The following ABCB11 variants were observed in gnomAD, a reference collection of about 807,000 sequenced individuals.
The protein encoded by ABCB11 is bile salt export pump.
In ABCB11, 95 loss-of-function variants were observed where a neutral mutation model predicts 148.0. That is an observed-to-expected ratio of 0.64 (90% confidence interval 0.54 to 0.76). The LOEUF is 0.76. Ranked by LOEUF, ABCB11 falls within the 30% of genes least tolerant of loss-of-function variation. The pLI is 0.00. For missense variants in ABCB11, 1,523 were observed against 1,617.8 expected, an observed-to-expected ratio of 0.94 and a Z score of 1.01; for synonymous variants, 591 against 555.4, an observed-to-expected ratio of 1.06 and a Z score of -0.90.
chr2:168,965,938 C>T (rs1477371865), intron 17 of ABCB11, among the ~76,000 whole-genome samples: 1 of 151,756 alleles, frequency 6.6e-6, no homozygotes, highest in Non-Finnish European at 1.5e-5. Flanking sequence ...GGTTCAACAC[C>T]ATGCAGTTTC....
chr2:168,957,469 T>A (rs1692850539), intron 19 of ABCB11, among the ~76,000 whole-genome samples: 1 of 151,710 alleles, frequency 6.6e-6, no homozygotes, highest in Non-Finnish European at 1.5e-5. Context: ...CAATCATGCC[T>A]TATTTTACTT....
chr2:169,002,913 A>G (rs764898296), intron 5 of ABCB11, among the ~76,000 whole-genome samples: 7 of 151,880 alleles, frequency 4.6e-5, no homozygotes, highest in Non-Finnish European at 7.4e-5. Context: ...GTAGATTTTT[A>G]TTTTTTTTGT....
Position 168,995,611 on chromosome 2 carries a change from C to T in ABCB11, c.478-129G>A, listed in dbSNP as rs17208900. The T allele has an allele frequency of 0.021, 20,281 of 979,072 alleles. 324 individuals are homozygous for T. The highest frequency in any genetic ancestry group is 0.062 in the African/African-American group (3,731 of 59,732). The allele number at this position is 979,072 out of a possible 1,614,324, so 60.6% of individuals were successfully genotyped here. On this transcript the variant is annotated intron_variant, in intron 6 of 27. Transcript: ENST00000650372. ...GAAAGTAATTCAGAAAATGCCTCTT[C>T]TTGGGAACTAAGATGTGAGCTCTGT...
Position 169,013,584 on chromosome 2 carries a change from T to A in ABCB11, c.151-74A>T, listed in dbSNP as rs118044718. 1,209 of 1,236,124 alleles carry A rather than the reference T, an allele frequency of 9.8e-4. 16 individuals are homozygous for A. The East Asian group carries it at 0.026, about 26-fold the overall frequency. The allele number at this position is 1,236,124 out of a possible 1,614,324, so 76.6% of individuals were successfully genotyped here. ...AGGTAGGAGGACTACTTAATTTAGT[T>A]ACTAGATTCTCATGAATAGTACTCA... is the stretch of plus-strand genomic sequence containing the variant. On this transcript the variant is annotated intron_variant, in intron 4 of 27. Transcript: ENST00000650372.
At chr2:168,946,831 A>G (rs1384320392) in intron 19 of ABCB11, among the ~76,000 whole-genome samples, 2 of 151,682 alleles carry the variant, frequency 1.3e-5, no homozygotes, top group African/African-American at 4.8e-5. Context: ...GTGGTTTTCT[A>G]TTGGGTATGC....
At chr2:168,993,977 C>T (rs1250907963) in intron 7 of ABCB11, 95 bp from the exon 8 acceptor site, 2 of 1,058,966 alleles carry the variant, frequency 1.9e-6, no homozygotes, top group Non-Finnish European at 2.8e-6. Context: ...ACATTCCCAT[C>T]TCTCTATCCC....
At chr2:168,949,035 T>C (rs1270175321) in intron 19 of ABCB11, among the ~76,000 whole-genome samples, 1 of 151,676 alleles carries the variant, frequency 6.6e-6, no homozygotes, top group South Asian at 2.1e-4. Context: ...TGGCAAATTC[T>C]ATAGACTAGG....
intron 26 of ABCB11, 32 bp downstream of exon 26, chr2:168,927,124 C>G (rs191519951): frequency 1.9e-6 from 3 of 1,566,670 alleles, no homozygotes; most frequent in Non-Finnish European, 2.6e-6. Flanking sequence ...ATCCTTGTCT[C>G]TCATAGGGAA....
intron 10 of ABCB11, among the ~76,000 whole-genome samples, chr2:168,983,469 C>G (rs1054948961): frequency 1.3e-5 from 2 of 152,132 alleles, no homozygotes; most frequent in Admixed American, 1.3e-4. Context: ...ATTGGTAACA[C>G]TTCCCATCCA....
intron 9 of ABCB11, 43 bp downstream of exon 9, chr2:168,990,758 G>A: frequency 6.2e-7 from 1 of 1,609,174 alleles, no homozygotes; most frequent in Non-Finnish European, 8.5e-7. Flanking sequence ...GTACTATGCT[G>A]ATTGATGAAA....
rs1693536937 is a variant in ABCB11, at chr2:168,970,482, T to A, written c.1639-267A>T. 5 of 865,674 alleles carry A rather than the reference T, an allele frequency of 5.8e-6. No individual in the cohort carries two copies. The South Asian group carries it at 8.1e-5, about 14-fold the overall frequency. 53.6% of individuals were successfully genotyped at this position (865,674 alleles called of 1,614,324 possible). On this transcript the variant is annotated intron_variant, in intron 14 of 27. Coordinates refer to ENST00000650372, the MANE Select transcript of ABCB11 (RefSeq NM_003742.4). ...TCTTTAGCTCAACTTCAAATAAGAT[T>A]TTTCAACCAAAATAAAAATTGGTCA...
In ABCB11 at chr2:168,974,138, T is replaced by C. The variant is rs146824992; in HGVS notation, c.1309-298A>G. Reference sequence around the variant, plus strand: ...TAAGACATGTTAACTTTTAAAATTATGTCCCAAAATCTGATTTAAAATACT... The same window carrying C: ...TAAGACATGTTAACTTTTAAAATTACGTCCCAAAATCTGATTTAAAATACT... On this transcript the variant is annotated intron_variant, in intron 12 of 27. Transcript: ENST00000650372. 5.1e-3 allele frequency among the ~76,000 whole-genome samples: 774 copies of C among 152,138 alleles called. 3 individuals are homozygous for C. Among genetic ancestry groups the C allele is most frequent in the African/African-American group, 0.017 (726 of 41,556 alleles).
chr2:168,941,958 C>T (rs1224386491), intron 21 of ABCB11, among the ~76,000 whole-genome samples: 1 of 151,882 alleles, frequency 6.6e-6, no homozygotes, highest in Non-Finnish European at 1.5e-5. Flanking sequence ...TGCTTTATTG[C>T]AATATTCTCT....
At chr2:169,009,553 G>A (rs1695119653) in intron 5 of ABCB11, among the ~76,000 whole-genome samples, 1 of 120,338 alleles carries the variant, frequency 8.3e-6, no homozygotes, top group Non-Finnish European at 1.6e-5. Flanking sequence ...ACAGGAAGGG[G>A]AACATCACAC....
intron 25 of ABCB11, among the ~76,000 whole-genome samples, 166 bp from the exon 26 acceptor site, chr2:168,927,528 T>A (rs147161223): frequency 2.0e-5 from 3 of 152,346 alleles, no homozygotes; most frequent in African/African-American, 7.2e-5. Flanking sequence ...GACCTCTGGA[T>A]GTAATGTCTA....
intron 18 of ABCB11, among the ~76,000 whole-genome samples, chr2:168,959,774 T>C (rs542375546): frequency 6.6e-6 from 1 of 151,462 alleles, no homozygotes; most frequent in East Asian, 2.0e-4. Flanking sequence ...ACTTCATTTG[T>C]TGGTATCATC....
At position 168,920,866 on chromosome 2, in the gene ABCB11, C is replaced by T. The variant is rs896495377; in HGVS notation, c.*2756G>A. 6.6e-6 allele frequency among the ~76,000 whole-genome samples: 1 copy of T among 152,114 alleles called. No homozygotes were observed. Among genetic ancestry groups the T allele is most frequent in the Non-Finnish European group, 1.5e-5 (1 of 68,016 alleles). ...TTGTCACTGAGCCTCAATTATTTCC[C>T]CAATTTCAAGCCCTCTTTAGACAAT... On this transcript the variant is annotated 3_prime_UTR_variant, in exon 28 of 28. Transcript: ENST00000650372.
chr2:168,940,521 G>C (rs1692017380), intron 21 of ABCB11, among the ~76,000 whole-genome samples: 1 of 152,046 alleles, frequency 6.6e-6, no homozygotes, highest in South Asian at 2.1e-4. Flanking sequence ...TGGGAGAAAA[G>C]TTGCTTTATG....
chr2:168,978,521 G>A (rs1224000438), intron 11 of ABCB11, among the ~76,000 whole-genome samples: 2 of 152,066 alleles, frequency 1.3e-5, no homozygotes, highest in South Asian at 2.1e-4. Flanking sequence ...ATAAAGCAAT[G>A]AGTCACTTCC....
Sources: gnomAD v4.1 joint callset for allele counts (sites outside exome capture counted in the v4.1 genomes callset) on GRCh38, gnomAD v4.1.1 for gene constraint, MANE v1.5 for transcripts, NCBI Gene and HGNC (gene_info 2026-07-23, HGNC 2026-07-21) for gene names.